CELF2: variants seen among roughly 807,000 people sequenced by gnomAD.
CELF2 encodes the protein CUG triplet repeat RNA-binding protein 2.
In CELF2, 8 loss-of-function variants were observed where a neutral mutation model predicts 62.6. That is an observed-to-expected ratio of 0.13 (90% CI 0.07 to 0.23). The LOEUF (loss-of-function observed/expected upper bound fraction) is 0.23. Ranked by LOEUF, CELF2 falls within the 10% of genes least tolerant of loss-of-function variation. The probability of loss-of-function intolerance (pLI) is 1.00; values close to 1 mark genes in which losing one functional copy is unlikely to be tolerated. For missense variants in CELF2, 333 were observed against 671.0 expected (o/e 0.50, Z 5.56); for synonymous variants, 258 against 250.0 (o/e 1.03, Z -0.30).
chr10:11,183,556 A>G (rs1588523120), intron 2 of CELF2, among the ~76,000 whole-genome samples: 1 of 152,258 alleles, frequency 6.6e-6, no homozygotes, highest in South Asian at 2.1e-4. Context: ...TTACATTCCT[A>G]CCAGCAATAC....
Position 11,326,059 on chromosome 10 carries a change from T to G in CELF2, c.1438+80T>G, listed in dbSNP as rs2095706973. The stretch of plus-strand genomic sequence containing the variant: ...GTGGGAAGGAAAATGTGAGACAGTT[T>G]CAGCCAGGATAGGGCCTTCCCCACA... On this transcript the variant is annotated intron_variant, in intron 12 of 12. Transcript: ENST00000633077. 9.5e-5 allele frequency: 133 copies of G among 1,406,946 alleles called. No homozygotes were observed. The South Asian group carries it at 1.8e-3, about 19-fold the overall frequency. The allele number at this position is 1,406,946 out of a possible 1,614,324, so 87.2% of individuals were successfully genotyped here. A position where few individuals can be genotyped will look rare whatever the true frequency, so the allele number is the denominator to read the frequency against.
At chr10:10,506,323 G>C in the CELF2 span, among the ~76,000 whole-genome samples, 4 of 145,864 alleles carry the variant, frequency 2.7e-5, no homozygotes, top group African/African-American at 1.0e-4. Context: ...TGTCTATATA[G>C]GTATGTGCCG....
chr10:10,974,738 C>G (rs2051138381), intron 2 of CELF2, among the ~76,000 whole-genome samples: 1 of 152,240 alleles, frequency 6.6e-6, no homozygotes, highest in Non-Finnish European at 1.5e-5. Context: ...CACCTCTCAA[C>G]TATGGTATCG....
Position 11,244,538 on chromosome 10 carries a change from C to T in CELF2, c.355-4615C>T, listed in dbSNP as rs907597076. On this transcript the variant is annotated intron_variant, in intron 3 of 12. Transcript: ENST00000633077. This position sits in a 1 kb window ranked among gnomAD's most constrained non-coding sequence, Gnocchi z 4.2. The stretch of plus-strand genomic sequence containing the variant: ...GGCGTGGTGGCGGGCGCCTGTAGTC[C>T]CAGCTACTCAGGAGGCTGAGGCAGG... Among the ~76,000 whole-genome samples, 4 of 151,982 alleles carry T rather than the reference C, an allele frequency of 2.6e-5. No homozygotes were observed. Among genetic ancestry groups the T allele is most frequent in the African/African-American group, 7.2e-5 (3 of 41,460 alleles).
the CELF2 span, among the ~76,000 whole-genome samples, chr10:10,653,313 CAG>C: frequency 6.7e-6 from 1 of 149,878 alleles, no homozygotes; most frequent in African/African-American, 2.5e-5. Flanking sequence ...ATCAACGAGA[CAG>C]AAAGTCAACA....
the CELF2 span, among the ~76,000 whole-genome samples, chr10:10,510,357 T>C: frequency 0.99 from 151,515 of 152,346 alleles, 75,346 homozygotes; most frequent in East Asian, 1. Flanking sequence ...AGGAGCATTT[T>C]GCAATACTTC....
intron 4 of CELF2, among the ~76,000 whole-genome samples, chr10:11,251,074 A>G (rs951239403): frequency 1.3e-5 from 2 of 152,168 alleles, no homozygotes; most frequent in African/African-American, 2.4e-5. Context: ...GTGGCCACCA[A>G]GAAATGTTCC....
chr10:11,051,911 T>C (rs911309118), intron 1 of CELF2, among the ~76,000 whole-genome samples: 2 of 150,820 alleles, frequency 1.3e-5, no homozygotes. Context: ...CTTTTTTTTT[T>C]TTTTTTTTGG....
the CELF2 span, among the ~76,000 whole-genome samples, chr10:10,745,415 G>A: frequency 6.6e-6 from 1 of 152,088 alleles, no homozygotes; most frequent in Non-Finnish European, 1.5e-5. Flanking sequence ...CTAGATTCAT[G>A]TAAACATTTT....
the CELF2 span, among the ~76,000 whole-genome samples, chr10:10,508,660 A>ATGTGCGTG: frequency 7.1e-6 from 1 of 140,718 alleles, no homozygotes; most frequent in African/African-American, 2.7e-5. Context: ...TCTTAAACAG[A>ATGTGCGTG]TGTGTGTGTG....
chr10:10,626,650 T>C, the CELF2 span, among the ~76,000 whole-genome samples: 2 of 152,252 alleles, frequency 1.3e-5, no homozygotes, highest in African/African-American at 4.8e-5. Flanking sequence ...TCCTATATTA[T>C]TGAGTTGAAA....
At chr10:11,293,912 T>C (rs2092840894) in intron 9 of CELF2, among the ~76,000 whole-genome samples, 1 of 152,166 alleles carries the variant, frequency 6.6e-6, no homozygotes, top group Non-Finnish European at 1.5e-5. Flanking sequence ...GCTAAATCCC[T>C]CACAGTGACG....
intron 2 of CELF2, among the ~76,000 whole-genome samples, chr10:10,986,917 G>A (rs1330259156): frequency 2.0e-5 from 3 of 152,216 alleles, no homozygotes; most frequent in Non-Finnish European, 4.4e-5. Context: ...ACTTTCAGTG[G>A]CAGGAGGAAG....
intron 2 of CELF2, among the ~76,000 whole-genome samples, chr10:10,951,562 C>T (rs1237348814): frequency 6.6e-6 from 1 of 152,194 alleles, no homozygotes; most frequent in South Asian, 2.1e-4. Flanking sequence ...AGGATGGCTC[C>T]ATGCCATTTT....
chr10:10,728,129 G>A, the CELF2 span, among the ~76,000 whole-genome samples: 3 of 150,794 alleles, frequency 2.0e-5, no homozygotes, highest in Non-Finnish European at 3.0e-5. Context: ...TTTTTTTTCT[G>A]ATAAGTATGG....
chr10:11,213,479 G>T (rs566733564), intron 2 of CELF2, among the ~76,000 whole-genome samples: 1 of 152,202 alleles, frequency 6.6e-6, no homozygotes, highest in Non-Finnish European at 1.5e-5. Flanking sequence ...TTGAGCCTTC[G>T]TGGTTTTTCA....
chr10:10,909,237 T>C (rs993376055), intron 1 of CELF2, among the ~76,000 whole-genome samples: 7 of 152,154 alleles, frequency 4.6e-5, no homozygotes, highest in Admixed American at 4.6e-4. Flanking sequence ...CACTGCTGCC[T>C]AAAAGGGAGC....
At chr10:10,562,213 CT>C in the CELF2 span, among the ~76,000 whole-genome samples, 1 of 152,194 alleles carries the variant, frequency 6.6e-6, no homozygotes, top group Non-Finnish European at 1.5e-5. Flanking sequence ...TCTGGCAACA[CT>C]TTTCTCTCCA....
At chr10:11,216,166 A>G (rs566996071) in intron 2 of CELF2, among the ~76,000 whole-genome samples, 1 of 152,324 alleles carries the variant, frequency 6.6e-6, no homozygotes, top group Non-Finnish European at 1.5e-5. Flanking sequence ...CCTTGTCCAA[A>G]AGGCAAAGGT....
Sources: allele counts gnomAD v4.1 joint callset (sites outside exome capture counted in the v4.1 genomes callset), GRCh38; gene constraint gnomAD v4.1.1; non-coding constraint Gnocchi (gnomAD v3.1); transcripts MANE v1.5; gene names NCBI Gene and HGNC (gene_info 2026-07-23, HGNC 2026-07-21).